Variants in OR14I1 observed in about 807,000 individuals in gnomAD.
OR14I1 encodes the protein olfactory receptor family 14 subfamily I member 1.
For missense variants in OR14I1, 279 were observed against 181.8 expected (o/e 1.53, Z -3.07); for synonymous variants, 118 against 71.1 (o/e 1.66, Z -3.32).
At chr1:248,692,514 A>T in the OR14I1 span, 2 of 152,660 alleles carry the variant, frequency 1.3e-5, no homozygotes, top group Non-Finnish European at 2.9e-5. Flanking sequence ...TCCAGCCTTT[A>T]TTCCGGCATT....
downstream of OR14I1, among the ~76,000 whole-genome samples, chr1:248,680,960 C>CTGTGTGTGTGTG (rs755075968): frequency 2.7e-5 from 2 of 73,996 alleles, no homozygotes; most frequent in South Asian, 7.3e-4. Flanking sequence ...GGTACTAAAA[C>CTGTGTGTGTGTG]TGTGTGCGTG....
At chr1:248,692,784 A>T in the OR14I1 span, 3 of 152,356 alleles carry the variant, frequency 2.0e-5, no homozygotes, top group East Asian at 5.8e-4. Context: ...TCCTTATTAG[A>T]GTACTAAGAA....
At chr1:248,694,282 T>C in the OR14I1 span, among the ~76,000 whole-genome samples, 1 of 152,244 alleles carries the variant, frequency 6.6e-6, no homozygotes, top group Non-Finnish European at 1.5e-5. Context: ...AAAACAAATT[T>C]TAAAACTTTT....
chr1:248,687,497 G>T, the OR14I1 span, among the ~76,000 whole-genome samples: 68 of 150,966 alleles, frequency 4.5e-4, no homozygotes, highest in African/African-American at 1.6e-3. Context: ...CACTAAATAC[G>T]ATCATTTGAA....
chr1:248,681,945 G>A (rs1339147028), exon 1 of OR14I1: 2 of 781,026 alleles, frequency 2.6e-6, no homozygotes, highest in Non-Finnish European at 2.4e-6. Context: ...TGGCAACATA[G>A]CGGTCATAAG....
the OR14I1 span, among the ~76,000 whole-genome samples, chr1:248,693,686 C>A: frequency 6.6e-6 from 1 of 151,862 alleles, no homozygotes; most frequent in Non-Finnish European, 1.5e-5. Flanking sequence ...TTCTCTTCTC[C>A]TTTCCCCATC....
the OR14I1 span, among the ~76,000 whole-genome samples, chr1:248,689,538 T>C: frequency 1.3e-5 from 2 of 152,178 alleles, no homozygotes; most frequent in Non-Finnish European, 2.9e-5. Context: ...ACCCATAATC[T>C]TCAGTTGCAG....
the OR14I1 span, among the ~76,000 whole-genome samples, chr1:248,694,436 T>C: frequency 3.3e-5 from 5 of 152,230 alleles, no homozygotes; most frequent in Non-Finnish European, 7.3e-5. Context: ...ACCATAGTTA[T>C]TCCTTTCTTG....
At chr1:248,683,946 C>T (rs1226922522), upstream of OR14I1, among the ~76,000 whole-genome samples, 2 of 152,114 alleles carry the variant, frequency 1.3e-5, no homozygotes, top group East Asian at 1.9e-4. Flanking sequence ...GCAGGAGACT[C>T]GCTTGAACCT....
At chr1:248,680,301 A>G (rs1490544852), downstream of OR14I1, among the ~76,000 whole-genome samples, 1 of 152,182 alleles carries the variant, frequency 6.6e-6, no homozygotes, top group Non-Finnish European at 1.5e-5. Flanking sequence ...TATTTTCCCA[A>G]TTGTTTGCAA....
At chr1:248,699,051 G>C in the OR14I1 span, 1 of 152,180 alleles carries the variant, frequency 6.6e-6, no homozygotes, top group Admixed American at 6.5e-5. Context: ...GTACTTCATG[G>C]AGCTCTGGCA....
chr1:248,686,371 T>C (rs771293130), upstream of OR14I1, among the ~76,000 whole-genome samples: 1 of 152,186 alleles, frequency 6.6e-6, no homozygotes, highest in Non-Finnish European at 1.5e-5. Context: ...TATGAAGCCT[T>C]TTTACTTCAG....
upstream of OR14I1, among the ~76,000 whole-genome samples, chr1:248,683,511 A>G (rs925197319): frequency 6.6e-6 from 1 of 152,240 alleles, no homozygotes; most frequent in East Asian, 1.9e-4. Flanking sequence ...TATTAAGCAC[A>G]TAAATGCTAT....
the OR14I1 span, among the ~76,000 whole-genome samples, chr1:248,695,279 G>C: frequency 6.8e-6 from 1 of 147,612 alleles, no homozygotes; most frequent in Non-Finnish European, 1.5e-5. Context: ...TGTCGCCCGG[G>C]CTGGAGTGCA....
chr1:248,698,482 C>G, the OR14I1 span, among the ~76,000 whole-genome samples: 1 of 152,134 alleles, frequency 6.6e-6, no homozygotes, highest in Non-Finnish European at 1.5e-5. Context: ...AGACATACCC[C>G]CTCCCCTGAG....
chr1:248,701,429 C>T, the OR14I1 span, among the ~76,000 whole-genome samples: 3,143 of 152,296 alleles, frequency 0.021, 112 homozygotes, highest in African/African-American at 0.071. Context: ...GCTGGGATTA[C>T]AGGCGTGAGC....
upstream of OR14I1, among the ~76,000 whole-genome samples, chr1:248,685,441 AG>A (rs1661634133): frequency 6.6e-6 from 1 of 152,170 alleles, no homozygotes; most frequent in African/African-American, 2.4e-5. Context: ...ACAAGGCAAA[AG>A]GTTACCCACC....
chr1:248,686,768 T>C (rs1404129957), upstream of OR14I1, among the ~76,000 whole-genome samples: 1 of 150,664 alleles, frequency 6.6e-6, no homozygotes, highest in East Asian at 2.0e-4. Context: ...AGCAATACCT[T>C]GATTAAATAA....
the OR14I1 span, among the ~76,000 whole-genome samples, chr1:248,694,388 C>T: frequency 2.8e-4 from 42 of 151,994 alleles, no homozygotes; most frequent in Non-Finnish European, 5.1e-4. Context: ...GTATATTATC[C>T]TACCCTCTTC....
Sources: allele counts gnomAD v4.1 joint callset (sites outside exome capture counted in the v4.1 genomes callset), GRCh38; gene constraint gnomAD v4.1.1; transcripts MANE v1.5; gene names NCBI Gene and HGNC (gene_info 2026-07-23, HGNC 2026-07-21).